MCC: variants seen among roughly 807,000 people sequenced by gnomAD.
The protein encoded by MCC is MCC regulator of Wnt signaling pathway, also known as colorectal mutant cancer protein.
A neutral mutation model predicts 116.2 loss-of-function variants in MCC; 90 were observed. The ratio of observed to expected loss-of-function variants is 0.77; its 90% CI spans 0.65 to 0.92. The LOEUF is 0.92. MCC is among the 40% of genes least tolerant of loss of function. MCC has a pLI of 0.00. For missense variants in MCC, 1,516 were observed against 1,312.2 expected (o/e 1.16, Z -2.40); for synonymous variants, 578 against 510.5 (o/e 1.13, Z -1.78).
At chr5:113,069,352 T>G (rs941104269) in intron 12 of MCC, among the ~76,000 whole-genome samples, 2 of 152,210 alleles carry the variant, frequency 1.3e-5, no homozygotes, top group East Asian at 3.8e-4. Context: ...GCAAACAAGG[T>G]AAAATATCAA....
At chr5:113,388,448 G>C (rs961257487) in intron 1 of MCC, among the ~76,000 whole-genome samples, 4 of 152,158 alleles carry the variant, frequency 2.6e-5, no homozygotes, top group African/African-American at 9.7e-5. Flanking sequence ...GGTGGGGCCT[G>C]GTAGGAAGTG....
At chr5:113,342,844 GA>G (rs1471453967) in intron 2 of MCC, among the ~76,000 whole-genome samples, 1 of 152,196 alleles carries the variant, frequency 6.6e-6, no homozygotes, top group Non-Finnish European at 1.5e-5. Context: ...TTCCTAAACA[GA>G]AGGGTGCTCA....
chr5:113,111,929 C>T (rs1757123145), intron 6 of MCC, among the ~76,000 whole-genome samples: 1 of 152,206 alleles, frequency 6.6e-6, no homozygotes, highest in South Asian at 2.1e-4. Flanking sequence ...AGAGCTGACA[C>T]CATTAACTAC....
chr5:113,048,650 G>A (rs1334987154), intron 16 of MCC: 1 of 233,682 alleles, frequency 4.3e-6, no homozygotes, highest in African/African-American at 2.2e-5. Flanking sequence ...TGTATGTATA[G>A]GGGAAAACGT....
intron 10 of MCC, 53 bp from the exon 11 acceptor site, chr5:113,083,061 T>A: frequency 6.5e-7 from 1 of 1,530,972 alleles, no homozygotes; most frequent in Non-Finnish European, 8.9e-7. Context: ...CAGAGATGCA[T>A]GTTTTGCATG....
At chr5:113,077,082 G>A (rs903563175) in intron 11 of MCC, among the ~76,000 whole-genome samples, 3 of 152,108 alleles carry the variant, frequency 2.0e-5, no homozygotes, top group African/African-American at 7.2e-5. Flanking sequence ...AATGGTAAAG[G>A]GATCAATTCA....
At chr5:113,195,958 G>A (rs1244168434) in intron 3 of MCC, among the ~76,000 whole-genome samples, 1 of 152,176 alleles carries the variant, frequency 6.6e-6, no homozygotes, top group Non-Finnish European at 1.5e-5. Context: ...GGAGAAGGAT[G>A]TTTTCTCTTC....
chr5:113,067,612 G>C (rs1753713546), intron 13 of MCC, among the ~76,000 whole-genome samples: 1 of 152,136 alleles, frequency 6.6e-6, no homozygotes, highest in African/African-American at 2.4e-5. Flanking sequence ...CTCCAGCCTG[G>C]GCAACAAGAG....
chr5:113,302,274 C>G (rs1191542317), intron 3 of MCC, among the ~76,000 whole-genome samples: 2 of 152,170 alleles, frequency 1.3e-5, no homozygotes, highest in Non-Finnish European at 2.9e-5. Context: ...CCCTATATAA[C>G]TCTACTAGAC....
intron 1 of MCC, among the ~76,000 whole-genome samples, chr5:113,443,096 G>A (rs558299852): frequency 6.6e-6 from 1 of 152,284 alleles, no homozygotes; most frequent in East Asian, 1.9e-4. Flanking sequence ...GGGCAGTATG[G>A]CCATTTTCAC....
chr5:113,193,369 G>A (rs1170715440), intron 3 of MCC, among the ~76,000 whole-genome samples: 1 of 151,282 alleles, frequency 6.6e-6, no homozygotes. Context: ...GGTGGGGGTG[G>A]GCAGGCATTC....
At chr5:113,364,238 G>GAAAAAAAAAAAAAAAAAAAAAAACA (rs60976854) in intron 2 of MCC, among the ~76,000 whole-genome samples, 28 of 49,418 alleles carry the variant, frequency 5.7e-4, no homozygotes, top group Admixed American at 1.3e-3. Context: ...CTCAAAAACA[G>GAAAAAAAAAAAAAAAAAAAAAAACA]AAAAAAAAAA....
intron 2 of MCC, among the ~76,000 whole-genome samples, chr5:113,374,265 G>A (rs929234723): frequency 3.4e-5 from 5 of 148,582 alleles, no homozygotes; most frequent in Admixed American, 2.0e-4. Flanking sequence ...TCCAGAAAAT[G>A]TCTTTGCTAT....
rs549742830 is a variant in MCC, at chr5:113,320,477, A to G, written c.627+20042T>C. On this transcript the variant is annotated intron_variant, in intron 3 of 18. Coordinates refer to ENST00000408903, the MANE Select transcript of MCC (RefSeq NM_001085377.2). ...CAAAAAAAAAAAAAAGGCTGTTTAA[A>G]TGTCATCTTGGGAGGAACACAGTAT... Among the ~76,000 whole-genome samples, 12 of 151,494 alleles carry G rather than the reference A, an allele frequency of 7.9e-5. No individual in the cohort carries two copies. In the Middle Eastern group the frequency reaches 0.01, roughly 129 times the overall value.
intron 3 of MCC, chr5:113,204,595 C>T (rs538918907): frequency 2.0e-5 from 3 of 152,316 alleles, no homozygotes; most frequent in African/African-American, 7.2e-5. Context: ...CGGAGAGTAT[C>T]TGAGGAGAAA....
At chr5:113,284,018 T>C (rs1025133459) in intron 3 of MCC, among the ~76,000 whole-genome samples, 3 of 152,214 alleles carry the variant, frequency 2.0e-5, no homozygotes, top group Non-Finnish European at 4.4e-5. Context: ...TTTTCTTTCC[T>C]CCAGCTTACT....
chr5:113,132,435 T>TACACAC (rs1758505218), intron 5 of MCC, among the ~76,000 whole-genome samples: 1 of 73,758 alleles, frequency 1.4e-5, no homozygotes, highest in Non-Finnish European at 2.9e-5. Flanking sequence ...TACATATATA[T>TACACAC]ATATATATAC....
chr5:113,471,505 T>C (rs938509190), intron 1 of MCC, among the ~76,000 whole-genome samples: 1 of 152,070 alleles, frequency 6.6e-6, no homozygotes, highest in East Asian at 1.9e-4. Context: ...GAACCACAGA[T>C]GCTGCTGCCT....
Position 113,046,685 on chromosome 5 carries a change from CAA to C in MCC, c.2655+2406_2655+2407del, listed in dbSNP as rs151183145. 2.3e-3 allele frequency among the ~76,000 whole-genome samples: 137 copies of C among 58,374 alleles called. 4 individuals carry two copies. The highest frequency in any genetic ancestry group is 7.8e-3 in the South Asian group (9 of 1,154). The allele number at this position is 58,374 out of a possible 152,430, so 38.3% of individuals were successfully genotyped here. On this transcript the variant is annotated intron_variant, in intron 16 of 18. Transcript: ENST00000408903. Reference sequence around the variant, plus strand: ...ACTGACTGCTAACAAACTCAAAAGGCAAAAAAAAAAAAAAAAAAAAAAAAAAG... The same window carrying C: ...ACTGACTGCTAACAAACTCAAAAGGCAAAAAAAAAAAAAAAAAAAAAAAAG...
Sources: allele counts gnomAD v4.1 joint callset (sites outside exome capture counted in the v4.1 genomes callset), GRCh38; gene constraint gnomAD v4.1.1; transcripts MANE v1.5; gene names NCBI Gene and HGNC (gene_info 2026-07-23, HGNC 2026-07-21).